Variants in NBAS observed in about 807,000 individuals in gnomAD.
NBAS encodes NBAS subunit of NRZ tethering complex.
NBAS carries 219 observed loss-of-function variants against 302.5 expected under a neutral mutation model. The ratio of observed to expected loss-of-function variants is 0.72; its 90% CI spans 0.65 to 0.81. NBAS has a LOEUF of 0.81. NBAS is among the 30% of genes least tolerant of loss of function. NBAS has a pLI of 0.00. For missense variants in NBAS, 2,932 were observed against 2,841.6 expected (o/e 1.03, Z -0.72); for synonymous variants, 1,118 against 1,021.6 (o/e 1.09, Z -1.80).
chr2:15,135,963 G>C, the NBAS span, among the ~76,000 whole-genome samples: 17 of 152,172 alleles, frequency 1.1e-4, no homozygotes, highest in Admixed American at 5.9e-4. Flanking sequence ...GCTGTCCTGG[G>C]CTGGGCTGTG....
At chr2:15,470,291 CCA>C (rs1345620465) in intron 16 of NBAS, among the ~76,000 whole-genome samples, 2 of 152,194 alleles carry the variant, frequency 1.3e-5, no homozygotes, top group Admixed American at 6.5e-5. Context: ...TCCTCTGCTT[CCA>C]CAGTCAGAAA....
chr2:15,415,192 CAT>C (rs1054818320), intron 25 of NBAS, among the ~76,000 whole-genome samples: 12 of 152,192 alleles, frequency 7.9e-5, no homozygotes, highest in African/African-American at 2.9e-4. Context: ...GTAATATTAA[CAT>C]AATAAAAGTA....
intron 9 of NBAS, among the ~76,000 whole-genome samples, chr2:15,512,166 GAA>G (rs1662174377): frequency 6.6e-6 from 1 of 152,094 alleles, no homozygotes; most frequent in Admixed American, 6.6e-5. Context: ...CATAGAAATT[GAA>G]AAGTCAAAAA....
intron 12 of NBAS, among the ~76,000 whole-genome samples, chr2:15,487,868 C>T (rs751938713): frequency 6.6e-6 from 1 of 152,142 alleles, no homozygotes; most frequent in Non-Finnish European, 1.5e-5. Flanking sequence ...GAGTGGTAAA[C>T]ATGTGGAGAT....
intron 30 of NBAS, among the ~76,000 whole-genome samples, chr2:15,377,156 G>A (rs2148366738): frequency 6.6e-6 from 1 of 152,160 alleles, no homozygotes; most frequent in Middle Eastern, 3.4e-3. Context: ...ATTTGAGATA[G>A]GCATAGGGTA....
chr2:14,794,660 G>A, the NBAS span, among the ~76,000 whole-genome samples: 5,864 of 151,874 alleles, frequency 0.039, 360 homozygotes, highest in African/African-American at 0.13. Flanking sequence ...AACTTTTAAC[G>A]TATGTATACT....
chr2:15,077,688 T>C, the NBAS span, among the ~76,000 whole-genome samples: 1 of 149,666 alleles, frequency 6.7e-6, no homozygotes, highest in African/African-American at 2.5e-5. Context: ...TTCTTTTTTT[T>C]TCTTTTTTTT....
chr2:15,426,464 A>C (rs2148482109), intron 22 of NBAS, among the ~76,000 whole-genome samples: 1 of 152,234 alleles, frequency 6.6e-6, no homozygotes, highest in South Asian at 2.1e-4. Context: ...TGAATATTAC[A>C]CTTGTTTTTT....
chr2:15,166,813 A>G (rs1664038989), downstream of NBAS: 1 of 476,662 alleles, frequency 2.1e-6, no homozygotes, highest in Non-Finnish European at 3.6e-6. Flanking sequence ...GGTTGAAATA[A>G]AAAAGGAGGG....
At chr2:14,940,699 C>T in the NBAS span, among the ~76,000 whole-genome samples, 186 of 152,256 alleles carry the variant, frequency 1.2e-3, 1 homozygote, top group African/African-American at 3.5e-3. Context: ...AAATGGGGAC[C>T]CTTTTAGTCT....
the NBAS span, among the ~76,000 whole-genome samples, chr2:15,034,244 GAAA>G: frequency 1.0e-4 from 9 of 87,686 alleles, no homozygotes; most frequent in Middle Eastern, 4.8e-3. Context: ...AGGAAAGAAA[GAAA>G]GAAAGAAAGA....
intron 21 of NBAS, among the ~76,000 whole-genome samples, chr2:15,445,963 T>C (rs1229006509): frequency 1.3e-5 from 2 of 149,756 alleles, no homozygotes; most frequent in African/African-American, 2.5e-5. Flanking sequence ...AAGAAAAGAA[T>C]AGCAAATTTA....
the NBAS span, among the ~76,000 whole-genome samples, chr2:14,811,278 C>T: frequency 0.042 from 6,409 of 152,004 alleles, 166 homozygotes; most frequent in Middle Eastern, 0.058. Context: ...GGCATGGTGG[C>T]GCATGTCTGT....
At chr2:14,953,549 G>A in the NBAS span, among the ~76,000 whole-genome samples, 1 of 152,186 alleles carries the variant, frequency 6.6e-6, no homozygotes, top group East Asian at 1.9e-4. Context: ...AGTGGTGGAT[G>A]TGGGTATGTG....
intron 33 of NBAS, among the ~76,000 whole-genome samples, chr2:15,354,889 C>T (rs1347844977): frequency 6.6e-6 from 1 of 152,136 alleles, no homozygotes. Context: ...ATCATCCTGG[C>T]CAGCCTTCAG....
the NBAS span, among the ~76,000 whole-genome samples, chr2:14,892,427 C>T: frequency 2.3e-3 from 350 of 152,302 alleles, 1 homozygote; most frequent in African/African-American, 7.9e-3. Flanking sequence ...ATCAAGACCA[C>T]GTAGGACACC....
chr2:15,200,150 T>C (rs1665810649), intron 48 of NBAS, among the ~76,000 whole-genome samples: 4 of 152,072 alleles, frequency 2.6e-5, no homozygotes, highest in African/African-American at 4.8e-5. Context: ...CCTCCTGCCT[T>C]GGTCTCCCAG....
intron 51 of NBAS, among the ~76,000 whole-genome samples, chr2:15,169,082 G>A (rs1451559279): frequency 6.6e-6 from 1 of 152,092 alleles, no homozygotes; most frequent in African/African-American, 2.4e-5. Context: ...TCACATTTTT[G>A]TAAACTGCAC....
the NBAS span, among the ~76,000 whole-genome samples, chr2:14,990,979 G>T: frequency 1.3e-5 from 2 of 152,162 alleles, no homozygotes. Flanking sequence ...GGACAGCTGA[G>T]CCTGGGCTTG....
Sources: gnomAD v4.1 joint callset for allele counts (sites outside exome capture counted in the v4.1 genomes callset) on GRCh38, gnomAD v4.1.1 for gene constraint, MANE v1.5 for transcripts, NCBI Gene and HGNC (gene_info 2026-07-23, HGNC 2026-07-21) for gene names.